CADM2: variants seen among roughly 807,000 people sequenced by gnomAD.
CADM2 encodes the protein cell adhesion molecule 2, also known as immunoglobulin superfamily member 4D.
Under a neutral mutation model 49.8 loss-of-function variants are expected in CADM2, and 12 were observed. That is an observed-to-expected ratio of 0.24 (90% CI 0.15 to 0.39). The LOEUF is 0.39. Among genes scored for constraint, CADM2 ranks in the 10% least tolerant of loss-of-function variants. The pLI, the probability that CADM2 is intolerant of heterozygous loss-of-function variation, is 1.00. For missense variants in CADM2, 378 were observed against 492.3 expected (o/e 0.77, Z 2.20); for synonymous variants, 214 against 175.4 (o/e 1.22, Z -1.74).
At chr3:85,105,949 T>C (rs1339684094) in intron 1 of CADM2, among the ~76,000 whole-genome samples, 1 of 111,706 alleles carries the variant, frequency 9.0e-6, no homozygotes, top group African/African-American at 3.5e-5. Flanking sequence ...TGTGGTGGGG[T>C]GGGGGGACGG....
At chr3:85,463,202 C>T (rs928469898) in intron 1 of CADM2, among the ~76,000 whole-genome samples, 10 of 152,112 alleles carry the variant, frequency 6.6e-5, no homozygotes, top group Non-Finnish European at 1.3e-4. Context: ...GCTGAGGTCT[C>T]CAGAGTTACC....
intron 1 of CADM2, among the ~76,000 whole-genome samples, chr3:85,274,393 T>G (rs1255901562): frequency 6.6e-6 from 1 of 151,462 alleles, no homozygotes; most frequent in Admixed American, 6.6e-5. Flanking sequence ...ATTGCTACAG[T>G]GATGTCTTAG....
chr3:85,350,299 A>G (rs1192789661), intron 1 of CADM2, among the ~76,000 whole-genome samples: 1 of 152,198 alleles, frequency 6.6e-6, no homozygotes, highest in African/African-American at 2.4e-5. Context: ...ACTTTCTATA[A>G]TACTATGACA....
intron 7 of CADM2, among the ~76,000 whole-genome samples, chr3:85,938,783 G>C (rs942345372): frequency 6.6e-6 from 1 of 151,808 alleles, no homozygotes; most frequent in African/African-American, 2.4e-5. Context: ...GTATAGCTTA[G>C]TATAAGTAAG....
At chr3:85,771,972 C>T (rs568119421) in intron 2 of CADM2, among the ~76,000 whole-genome samples, 2 of 148,886 alleles carry the variant, frequency 1.3e-5, no homozygotes, top group Non-Finnish European at 3.0e-5. Flanking sequence ...ACTGAACTTT[C>T]ACAAGCTGCT....
At chr3:86,037,615 G>A (rs73843581) in intron 8 of CADM2, among the ~76,000 whole-genome samples, 2,225 of 152,060 alleles carry the variant, frequency 0.015, 50 homozygotes, top group African/African-American at 0.051. Context: ...ACACCTGAAA[G>A]GCTAGGTTTT....
chr3:85,638,100 G>T (rs986173207), intron 1 of CADM2, among the ~76,000 whole-genome samples: 6 of 152,104 alleles, frequency 3.9e-5, no homozygotes, highest in Non-Finnish European at 8.8e-5. Context: ...AGTAAATGTT[G>T]ATTTGCAACC....
At chr3:85,629,974 T>C (rs1201026339) in intron 1 of CADM2, among the ~76,000 whole-genome samples, 1 of 152,058 alleles carries the variant, frequency 6.6e-6, no homozygotes, top group Admixed American at 6.6e-5. Context: ...TGTTTCTTTT[T>C]GTAGAATTTT....
At chr3:85,427,094 C>A (rs948876875) in intron 1 of CADM2, among the ~76,000 whole-genome samples, 9 of 147,944 alleles carry the variant, frequency 6.1e-5, no homozygotes, top group African/African-American at 2.3e-4. Context: ...TCTACAGAAT[C>A]CTTGTTCGGG....
At chr3:85,624,999 A>C (rs2064082990) in intron 1 of CADM2, among the ~76,000 whole-genome samples, 1 of 152,076 alleles carries the variant, frequency 6.6e-6, no homozygotes, top group African/African-American at 2.4e-5. Flanking sequence ...ACAACTTTCT[A>C]ACCTAACTAA....
intron 1 of CADM2, among the ~76,000 whole-genome samples, chr3:85,199,368 T>TGAGAGAGAGAGAGAG (rs1553694522): frequency 1.1e-4 from 13 of 115,184 alleles, no homozygotes; most frequent in African/African-American, 7.1e-4. Context: ...TGTGTGTGTG[T>TGAGAGAGAGAGAGAG]ATGAGAGAGA....
intron 1 of CADM2, among the ~76,000 whole-genome samples, chr3:85,453,299 C>T (rs2037836802): frequency 6.6e-6 from 1 of 151,748 alleles, no homozygotes; most frequent in African/African-American, 2.4e-5. Flanking sequence ...AAAAAATTTA[C>T]ACTTCTTTAA....
chr3:86,012,924 G>T, intron 8 of CADM2: 1 of 626,790 alleles, frequency 1.6e-6, no homozygotes, highest in South Asian at 1.6e-5. Flanking sequence ...GCAGTGAGCC[G>T]AGATCGCGCC....
At chr3:85,661,657 A>G (rs1253062879) in intron 1 of CADM2, among the ~76,000 whole-genome samples, 1 of 152,000 alleles carries the variant, frequency 6.6e-6, no homozygotes, top group Non-Finnish European at 1.5e-5. Context: ...CTTTATATAA[A>G]GGGGAGAATT....
intron 1 of CADM2, among the ~76,000 whole-genome samples, chr3:85,706,007 A>C (rs938155320): frequency 2.0e-5 from 3 of 152,174 alleles, no homozygotes; most frequent in African/African-American, 7.2e-5. Flanking sequence ...TTATCTCTTA[A>C]AAAATGTTTC....
chr3:85,407,224 A>G (rs912401415), intron 1 of CADM2, among the ~76,000 whole-genome samples: 1 of 152,008 alleles, frequency 6.6e-6, no homozygotes, highest in African/African-American at 2.4e-5. Flanking sequence ...AAATGAGATT[A>G]TGTCATGCCC....
chr3:86,005,285 C>T (rs1182707134), intron 8 of CADM2, among the ~76,000 whole-genome samples: 3 of 152,120 alleles, frequency 2.0e-5, no homozygotes, highest in Non-Finnish European at 4.4e-5. Context: ...GGCGTGGTGG[C>T]TCATGCCTGT....
chr3:85,473,319 A>G (rs1392430735), intron 1 of CADM2, among the ~76,000 whole-genome samples: 2 of 152,054 alleles, frequency 1.3e-5, no homozygotes, highest in African/African-American at 4.8e-5. Context: ...TTCTTATTGG[A>G]CACAGCTGTC....
chr3:85,957,456 G>GA (rs994443773), intron 7 of CADM2, among the ~76,000 whole-genome samples: 2 of 151,438 alleles, frequency 1.3e-5, no homozygotes, highest in African/African-American at 2.4e-5. Context: ...CCTGAAGACA[G>GA]AAAAAAACAA....
Sources: gnomAD v4.1 joint callset for allele counts (sites outside exome capture counted in the v4.1 genomes callset) on GRCh38, gnomAD v4.1.1 for gene constraint, MANE v1.5 for transcripts, NCBI Gene and HGNC (gene_info 2026-07-23, HGNC 2026-07-21) for gene names.